The following ARRB1 variants were observed in gnomAD, a reference collection of about 807,000 sequenced individuals.
ARRB1 encodes the protein beta-arrestin-1.
A neutral mutation model predicts 56.8 loss-of-function variants in ARRB1; 21 were observed. That is an observed-to-expected ratio of 0.37 (90% CI 0.26 to 0.53). The LOEUF (loss-of-function observed/expected upper bound fraction) is 0.53. Ranked by LOEUF, ARRB1 falls within the 20% of genes least tolerant of loss-of-function variation. The pLI is 0.88. For synonymous variants in ARRB1, 210 were observed against 218.6 expected (o/e 0.96, Z 0.35); for missense variants, 424 against 553.7 (o/e 0.77, Z 2.35).
chr11:75,325,603 G>A (rs1205012291), intron 1 of ARRB1, among the ~76,000 whole-genome samples: 5 of 152,202 alleles, frequency 3.3e-5, no homozygotes, highest in East Asian at 1.9e-4. Flanking sequence ...GATTATAGGC[G>A]TGAGCCACCA....
rs545596369 is a variant in ARRB1, at chr11:75,317,062, C to T, written c.21-27023G>A. On this transcript the variant is annotated intron_variant, in intron 1 of 15. Coordinates refer to ENST00000420843, the MANE Select transcript of ARRB1 (RefSeq NM_004041.5). ...CCAGCCTGGGCAACAGAGCGAGACT[C>T]CGTCTCAAAATAATAATAATAATAA... is the stretch of plus-strand genomic sequence containing the variant. 2.3e-3 allele frequency among the ~76,000 whole-genome samples: 345 copies of T among 152,282 alleles called. 2 individuals carry two copies. Among genetic ancestry groups the T allele is most frequent in the African/African-American group, 8.0e-3 (334 of 41,552 alleles).
intron 1 of ARRB1, among the ~76,000 whole-genome samples, chr11:75,341,829 G>A (rs1213398839): frequency 6.6e-6 from 1 of 152,224 alleles, no homozygotes; most frequent in Non-Finnish European, 1.5e-5. Context: ...TGGGGAGCCA[G>A]GTGGGCAGAC....
intron 1 of ARRB1, among the ~76,000 whole-genome samples, chr11:75,339,086 C>T (rs539284647): frequency 1.9e-4 from 29 of 152,374 alleles, no homozygotes; most frequent in Non-Finnish European, 3.4e-4. Context: ...GATAGCCCTC[C>T]AATCTGTAGA....
intron 1 of ARRB1, among the ~76,000 whole-genome samples, chr11:75,294,944 C>CACCACATA (rs1215887101): frequency 6.6e-6 from 1 of 152,098 alleles, no homozygotes; most frequent in Non-Finnish European, 1.5e-5. Flanking sequence ...CACAAACAGG[C>CACCACATA]CAGGTGTGGT....
At chr11:75,300,260 C>T (rs976823759) in intron 1 of ARRB1, among the ~76,000 whole-genome samples, 1 of 151,540 alleles carries the variant, frequency 6.6e-6, no homozygotes, top group African/African-American at 2.4e-5. Flanking sequence ...CCAGGTTATC[C>T]AGGAGAGAAA....
At chr11:75,272,577 C>T (rs1282463536) in intron 12 of ARRB1, among the ~76,000 whole-genome samples, 1 of 152,160 alleles carries the variant, frequency 6.6e-6, no homozygotes, top group Non-Finnish European at 1.5e-5. Flanking sequence ...GGGGACCCCA[C>T]AGCAAAGACT....
At chr11:75,300,861 G>A (rs1378099948) in intron 1 of ARRB1, among the ~76,000 whole-genome samples, 1 of 150,428 alleles carries the variant, frequency 6.6e-6, no homozygotes, top group South Asian at 2.1e-4. Flanking sequence ...CCAGCTGCGC[G>A]GGAGGCTGAG....
At chr11:75,293,067 C>T (rs1591931929) in intron 1 of ARRB1, among the ~76,000 whole-genome samples, 1 of 152,000 alleles carries the variant, frequency 6.6e-6, no homozygotes, top group Non-Finnish European at 1.5e-5. Context: ...AGGAGAGGGG[C>T]AAGGGGCACA....
At position 75,289,996 on chromosome 11, in the gene ARRB1, G is replaced by C. The variant is rs772309863; in HGVS notation, c.51+13C>G. 2 of 1,614,216 alleles carry C rather than the reference G, an allele frequency of 1.2e-6. No homozygotes were observed. Among genetic ancestry groups the C allele is most frequent in the South Asian group, 2.2e-5 (2 of 91,090 alleles). ...GGTCAGGGAGGCGCTGGGCGCAGCT[G>C]TTACAGACTCACCTTTCCATTTGGA... On this transcript the variant is annotated intron_variant, in intron 2 of 15. Transcript: ENST00000420843.
intron 1 of ARRB1, among the ~76,000 whole-genome samples, chr11:75,294,586 TAAATAAATAAATAAATAAATA>T (rs1946683364): frequency 1.0e-5 from 1 of 97,000 alleles, no homozygotes; most frequent in Non-Finnish European, 2.1e-5. Context: ...AATAAATAAA[TAAATAAATAAATAAATAAATA>T]ACTTAAAATA....
chr11:75,268,510 CAAAAAAAAAAAAAAA>C (rs61409833), intron 14 of ARRB1, among the ~76,000 whole-genome samples: 1 of 61,428 alleles, frequency 1.6e-5, no homozygotes, highest in Non-Finnish European at 3.4e-5. Flanking sequence ...GTCTCAAAAC[CAAAAAAAAAAAAAAA>C]AAAAAAAAAA....
Position 75,269,020 on chromosome 11 carries a change from G to A in ARRB1, c.1023-61C>T, listed in dbSNP as rs765750142. The A allele has an allele frequency of 4.5e-6, 7 of 1,550,108 alleles. No homozygotes were observed. In the South Asian group the frequency reaches 6.9e-5, roughly 15 times the overall value. The stretch of plus-strand genomic sequence containing the variant: ...GGACTCACAGGCTGTGAGACTTGAT[G>A]TCGATGCCCTGTCAGTCCGAGGACT... On this transcript the variant is annotated intron_variant, in intron 13 of 15. Coordinates refer to ENST00000420843, the MANE Select transcript of ARRB1 (RefSeq NM_004041.5).
At chr11:75,277,568 G>A (rs1344553778) in intron 8 of ARRB1, 120 bp from the exon 9 acceptor site, 3 of 854,702 alleles carry the variant, frequency 3.5e-6, no homozygotes, top group African/African-American at 1.7e-5. Context: ...CAGACCTTCA[G>A]AAGGGTCTGC....
At chr11:75,283,627 C>G (rs1049674300) in intron 4 of ARRB1, 144 bp from the exon 5 acceptor site, 12 of 804,966 alleles carry the variant, frequency 1.5e-5, no homozygotes, top group Non-Finnish European at 1.9e-5. Context: ...ACTGTCTCCA[C>G]CAGGAGGGCT....
rs1382787005 is a variant in ARRB1 at position 75,265,909 on chromosome 11, G to A, written c.*254C>T. The A allele has an allele frequency of 2.0e-6, 1 of 504,770 alleles. No homozygotes were observed. Among genetic ancestry groups the A allele is most frequent in the Non-Finnish European group, 3.6e-6 (1 of 278,212 alleles). 31.3% of individuals were successfully genotyped at this position (504,770 alleles called of 1,614,324 possible). On this transcript the variant is annotated 3_prime_UTR_variant, in exon 16 of 16. Transcript: ENST00000420843. ...GCCAGAGCCCTGGCAGCTTTTCTGG[G>A]AGACAGCATGAAAAGGAGGGGAGTG...
chr11:75,311,606 C>G (rs1947161057), intron 1 of ARRB1, among the ~76,000 whole-genome samples: 1 of 152,214 alleles, frequency 6.6e-6, no homozygotes, highest in Non-Finnish European at 1.5e-5. Context: ...CTCGTTTCAC[C>G]CTCTCAAATC....
At chr11:75,314,348 GC>G (rs1181750308) in intron 1 of ARRB1, among the ~76,000 whole-genome samples, 2 of 152,170 alleles carry the variant, frequency 1.3e-5, no homozygotes, top group Non-Finnish European at 2.9e-5. Flanking sequence ...ATGCCGCAGG[GC>G]ATGGTGGCAC....
intron 1 of ARRB1, chr11:75,306,763 G>T: frequency 2.0e-6 from 2 of 985,790 alleles, no homozygotes; most frequent in Non-Finnish European, 2.6e-6. Flanking sequence ...TTCCTGATAC[G>T]CGTCCTGTTT....
chr11:75,300,842 C>G (rs1362928307), intron 1 of ARRB1, among the ~76,000 whole-genome samples: 1 of 150,988 alleles, frequency 6.6e-6, no homozygotes, highest in Non-Finnish European at 1.5e-5. Flanking sequence ...GTGGCGGGCG[C>G]CTGTAGTCCC....
Sources: gnomAD v4.1 joint callset for allele counts (sites outside exome capture counted in the v4.1 genomes callset) on GRCh38, gnomAD v4.1.1 for gene constraint, MANE v1.5 for transcripts, NCBI Gene and HGNC (gene_info 2026-07-23, HGNC 2026-07-21) for gene names.